CHTF8: variants seen among roughly 807,000 people sequenced by gnomAD.
CHTF8 encodes the protein chromosome transmission fidelity factor 8, also known as chromosome transmission fidelity protein 8 homolog.
CHTF8 carries 6 observed loss-of-function variants against 11.0 expected under a neutral mutation model. The ratio of observed to expected loss-of-function variants is 0.55; its 90% CI spans 0.30 to 1.08. The LOEUF (loss-of-function observed/expected upper bound fraction) is 1.08, where lower values mean the gene tolerates loss of function less well. Among genes scored for constraint, CHTF8 ranks in the 50% least tolerant of loss-of-function variants. The probability of loss-of-function intolerance (pLI) is 0.07; values close to 1 mark genes in which losing one functional copy is unlikely to be tolerated. For missense variants in CHTF8, 140 were observed against 153.1 expected (o/e 0.91, Z 0.45); for synonymous variants, 53 against 60.5 (o/e 0.88, Z 0.57).
At position 69,120,832 on chromosome 16, in the gene CHTF8, T is replaced by C. The variant is rs945022157; in HGVS notation, c.142-183A>G. 3 of 735,640 alleles carry C rather than the reference T, an allele frequency of 4.1e-6. No individual in the cohort carries two copies. The highest frequency in any genetic ancestry group is 2.3e-4 in the Middle Eastern group (1 of 4,358). 45.6% of individuals were successfully genotyped at this position (735,640 alleles called of 1,614,324 possible). On this transcript the variant is annotated intron_variant, in intron 3 of 3. Coordinates refer to ENST00000448552, the MANE Select transcript of CHTF8 (RefSeq NM_001039690.5). The surrounding 1 kb of genome is among the most constrained non-coding windows in gnomAD (Gnocchi z 4.0). ...GCCCTTTTTACTTTCTAGCCCCACA[T>C]AGGAGAATTTCCACTTTCAGAAATG... is the stretch of plus-strand genomic sequence containing the variant.
chr16:69,127,452 C>T (rs1005953428), intron 1 of CHTF8, among the ~76,000 whole-genome samples: 2 of 152,090 alleles, frequency 1.3e-5, no homozygotes, highest in African/African-American at 4.8e-5. Context: ...TGAAAGACGA[C>T]TAGAGCAATT....
At chr16:69,127,817 C>A (rs1742203234) in intron 1 of CHTF8, among the ~76,000 whole-genome samples, 1 of 151,888 alleles carries the variant, frequency 6.6e-6, no homozygotes, top group South Asian at 2.1e-4. Flanking sequence ...ACCATCTTGG[C>A]CAGGCTAGTC....
chr16:69,121,568 C>T (rs1961665131), intron 1 of CHTF8, 75 bp from the exon 2 acceptor site: 2 of 882,418 alleles, frequency 2.3e-6, no homozygotes, highest in Non-Finnish European at 3.5e-6. Context: ...ACCTCCACCT[C>T]CCGGGTTCAA....
At chr16:69,130,854 A>G (rs901640470) in intron 1 of CHTF8, among the ~76,000 whole-genome samples, 12 of 152,370 alleles carry the variant, frequency 7.9e-5, no homozygotes, top group African/African-American at 2.2e-4. Context: ...TCAAGTTTTC[A>G]TAACAGTAGA....
In CHTF8 at chr16:69,119,134, C is replaced by T. The variant is rs1235154512; in HGVS notation, c.*1291G>A. 1.4e-6 allele frequency: 1 copy of T among 703,052 alleles called. No individual in the cohort carries two copies. The highest frequency in any genetic ancestry group is 1.5e-5 in the South Asian group (1 of 67,572). The allele number at this position is 703,052 out of a possible 1,614,324, so 43.6% of individuals were successfully genotyped here. On this transcript the variant is annotated 3_prime_UTR_variant, in exon 4 of 4. Coordinates refer to ENST00000448552, the MANE Select transcript of CHTF8 (RefSeq NM_001039690.5). ...AGTAACTTGACCAGGGCCTAATGGG[C>T]CAGTAGACCTTGGGAAGGTAGTTGG...
At chr16:69,122,948 G>C (rs1715800246) in intron 1 of CHTF8, among the ~76,000 whole-genome samples, 1 of 152,172 alleles carries the variant, frequency 6.6e-6, no homozygotes, top group African/African-American at 2.4e-5. Flanking sequence ...CAAAGTGCTG[G>C]GATTACAGGC....
chr16:69,118,819 T>C lies in CHTF8; in HGVS notation c.*1606A>G, dbSNP rs1167777532. On this transcript the variant is annotated 3_prime_UTR_variant, in exon 4 of 4. Transcript: ENST00000448552. ...AGCCCCTGCCAAGAACCACAGTGCC[T>C]AGAAACCAAGGTGGTCCTGGAGGGA... is the stretch of plus-strand genomic sequence containing the variant. 1.0e-5 allele frequency: 7 copies of C among 680,318 alleles called. No homozygotes were observed. Among genetic ancestry groups the C allele is most frequent in the Admixed American group, 2.1e-5 (1 of 48,058 alleles). The allele number at this position is 680,318 out of a possible 1,614,324, so 42.1% of individuals were successfully genotyped here. A position where few individuals can be genotyped will look rare whatever the true frequency, so the allele number is the denominator to read the frequency against.
At chr16:69,123,926 A>G (rs1305532547) in intron 1 of CHTF8, among the ~76,000 whole-genome samples, 1 of 55,898 alleles carries the variant, frequency 1.8e-5, no homozygotes, top group African/African-American at 6.0e-5. Context: ...CATCTCTACT[A>G]AAAAAAAAAA....
chr16:69,122,560 G>T (rs6499219), intron 1 of CHTF8, among the ~76,000 whole-genome samples: 2 of 144,180 alleles, frequency 1.4e-5, no homozygotes, highest in Admixed American at 6.9e-5. Flanking sequence ...TTTTTTTTTG[G>T]GAGGGAGTCT....
In CHTF8 at chr16:69,121,197, A is replaced by C. The variant is rs751019271; in HGVS notation, c.24-27T>G. On this transcript the variant is annotated intron_variant, in intron 2 of 3. Coordinates refer to ENST00000448552, the MANE Select transcript of CHTF8 (RefSeq NM_001039690.5). ...TGCAAGCAAAGGGCTGGCGGTTACA[A>C]TATTTTTGAGGGGTGAAGGATGAAT... 6.3e-6 allele frequency: 10 copies of C among 1,599,108 alleles called. No individual in the cohort carries two copies. The African/African-American group carries it at 1.1e-4, about 17-fold the overall frequency.
rs1453766310 is a variant in CHTF8 at position 69,119,492 on chromosome 16, T to C, written c.*933A>G. On this transcript the variant is annotated 3_prime_UTR_variant, in exon 4 of 4. Transcript: ENST00000448552. Reference sequence around the variant, plus strand: ...GAGCTAGGACCCGAGTTTGGGCCCATGGGGCCAGGTACTCTTGCCATGGAG... The same window carrying C: ...GAGCTAGGACCCGAGTTTGGGCCCACGGGGCCAGGTACTCTTGCCATGGAG... The C allele has an allele frequency of 1.4e-6, 1 of 702,812 alleles. No individual in the cohort carries two copies. Among genetic ancestry groups the C allele is most frequent in the Non-Finnish European group, 2.6e-6 (1 of 385,004 alleles). 43.5% of individuals were successfully genotyped at this position (702,812 alleles called of 1,614,324 possible).
At position 69,121,068 on chromosome 16, in the gene CHTF8, T is replaced by C. The variant is rs766299132; in HGVS notation, c.126A>G (p.Leu42=). 2.5e-6 allele frequency: 4 copies of C among 1,613,972 alleles called. No homozygotes were observed. In the Admixed American group the frequency reaches 5.0e-5, roughly 20 times the overall value. Residue 42 remains leucine, a synonymous_variant, in exon 3 of 4, where the codon CTA becomes CTG. Coordinates refer to ENST00000448552, the MANE Select transcript of CHTF8 (RefSeq NM_001039690.5). ...GCCCCCTCACCTCAGTGGTGTAATGTAGGTCTCCCAGGAGGTTTCCAGCTA... is the reference window on the plus strand; with the variant it reads ...GCCCCCTCACCTCAGTGGTGTAATGCAGGTCTCCCAGGAGGTTTCCAGCTA... ...TGLAGNLLGD[L]HYTTEGIPVL...
chr16:69,128,673 C>T (rs1282756881), intron 1 of CHTF8, among the ~76,000 whole-genome samples: 1 of 152,196 alleles, frequency 6.6e-6, no homozygotes, highest in Non-Finnish European at 1.5e-5. Context: ...GAACCCTACC[C>T]AAAACTAAAA....
Position 69,125,938 on chromosome 16 carries a change from T to C in CHTF8, c.-35-4445A>G, listed in dbSNP as rs1962029867. ...GAGGTGCTTTAAAGACCCCAAGTTC[T>C]ATTGAGATGAACTAAGTTTTTTGAG... On this transcript the variant is annotated intron_variant, in intron 1 of 3. Transcript: ENST00000448552. Among the ~76,000 whole-genome samples the C allele has an allele frequency of 2.0e-5, 3 of 152,238 alleles. No individual in the cohort carries two copies. The South Asian group carries it at 6.2e-4, about 31-fold the overall frequency.
chr16:69,131,666 A>C lies in CHTF8; in HGVS notation c.-36+818T>G, dbSNP rs1962532092. Among the ~76,000 whole-genome samples the C allele has an allele frequency of 2.2e-5, 3 of 138,154 alleles. No homozygotes were observed. The Admixed American group carries it at 2.3e-4, about 10-fold the overall frequency. 90.6% of individuals were successfully genotyped at this position (138,154 alleles called of 152,430 possible). ...TAACCCCTTTTCCTGCCTCCCAGGGAAACTATTCTTTAAACCGCCTTCCTC... is the reference window on the plus strand; with the variant it reads ...TAACCCCTTTTCCTGCCTCCCAGGGCAACTATTCTTTAAACCGCCTTCCTC... On this transcript the variant is annotated intron_variant, in intron 1 of 3. Coordinates refer to ENST00000448552, the MANE Select transcript of CHTF8 (RefSeq NM_001039690.5).
chr16:69,118,526 C>G lies in CHTF8; in HGVS notation c.*1899G>C. 2.0e-6 allele frequency: 2 copies of G among 976,324 alleles called. No homozygotes were observed. The highest frequency in any genetic ancestry group is 3.3e-6 in the Non-Finnish European group (2 of 599,540). 60.5% of individuals were successfully genotyped at this position (976,324 alleles called of 1,614,324 possible). A position where few individuals can be genotyped will look rare whatever the true frequency, so the allele number is the denominator to read the frequency against. ...CTGGGACCTGCAGGCCAATGTATCC[C>G]TGAGGAAAAGTCCACAAGAACAATT... On this transcript the variant is annotated 3_prime_UTR_variant, in exon 4 of 4. Coordinates refer to ENST00000448552, the MANE Select transcript of CHTF8 (RefSeq NM_001039690.5).
Position 69,120,614 on chromosome 16 carries a change from C to T in CHTF8, c.177G>A (p.Leu59=). ...TCTCCAGGTGGATGATTTTCCCATA[C>T]AGGATATGATGCCCCACGATCAGCA... ...IPVLIVGHHI[L]YGKIIHLEKP... is the part of the protein sequence containing the mutation. Residue 59 remains leucine (L), a synonymous_variant, in exon 4 of 4, where the codon CTG becomes CTA. Transcript: ENST00000448552. The surrounding 1 kb of genome is among the most constrained non-coding windows in gnomAD (Gnocchi z 4.0). The T allele has an allele frequency of 6.2e-7, 1 of 1,613,740 alleles. No homozygotes were observed. The highest frequency in any genetic ancestry group is 8.5e-7 in the Non-Finnish European group (1 of 1,179,702).
chr16:69,129,212 C>T (rs977491780), intron 1 of CHTF8, among the ~76,000 whole-genome samples: 6 of 151,998 alleles, frequency 3.9e-5, no homozygotes, highest in South Asian at 4.2e-4. Context: ...GGGCAGATCA[C>T]GAGGTCAGGA....
chr16:69,130,149 A>G (rs1177282035), intron 1 of CHTF8, among the ~76,000 whole-genome samples: 1 of 152,238 alleles, frequency 6.6e-6, no homozygotes, highest in Non-Finnish European at 1.5e-5. Flanking sequence ...CTGAGCAATG[A>G]TCCTCATAAT....
Sources: allele counts gnomAD v4.1 joint callset (sites outside exome capture counted in the v4.1 genomes callset), GRCh38; gene constraint gnomAD v4.1.1; non-coding constraint Gnocchi (gnomAD v3.1); transcripts MANE v1.5; gene names NCBI Gene and HGNC (gene_info 2026-07-23, HGNC 2026-07-21).